GSG1L: variants seen among roughly 807,000 people sequenced by gnomAD.
GSG1L encodes GSG1 like.
A neutral mutation model predicts 42.1 loss-of-function variants in GSG1L; 24 were observed. The ratio of observed to expected loss-of-function variants is 0.57; its 90% CI spans 0.41 to 0.80. The LOEUF is 0.80. GSG1L is among the 30% of genes least tolerant of loss of function. GSG1L has a pLI of 0.00. For missense variants in GSG1L, 445 were observed against 472.2 expected (o/e 0.94, Z 0.53); for synonymous variants, 215 against 203.5 (o/e 1.06, Z -0.48).
chr16:27,897,545 C>T (rs972541238), intron 2 of GSG1L, among the ~76,000 whole-genome samples: 6 of 152,176 alleles, frequency 3.9e-5, no homozygotes, highest in Non-Finnish European at 7.3e-5. Context: ...AGTAATCCTC[C>T]TCTGTTGACC....
At chr16:27,885,073 A>G (rs1382314734) in intron 2 of GSG1L, among the ~76,000 whole-genome samples, 1 of 152,144 alleles carries the variant, frequency 6.6e-6, no homozygotes, top group Non-Finnish European at 1.5e-5. Context: ...AAACTGCTGT[A>G]TTGTTAGGCC....
chr16:27,909,381 CTTTT>C (rs34041209), intron 2 of GSG1L, among the ~76,000 whole-genome samples: 4 of 117,796 alleles, frequency 3.4e-5, no homozygotes, highest in Non-Finnish European at 3.5e-5. Flanking sequence ...TCTTCTTTTT[CTTTT>C]TTTTTTTTTT....
intron 3 of GSG1L, among the ~76,000 whole-genome samples, chr16:27,869,587 CCTT>C (rs771628135): frequency 1.2e-4 from 17 of 144,004 alleles, no homozygotes; most frequent in Non-Finnish European, 2.1e-4. Context: ...CACTCCCTCT[CCTT>C]CTCTCTGTCT....
intron 6 of GSG1L, among the ~76,000 whole-genome samples, chr16:27,797,289 G>A (rs1189409580): frequency 6.6e-6 from 1 of 152,136 alleles, no homozygotes; most frequent in Non-Finnish European, 1.5e-5. Flanking sequence ...TTGGGAGGCT[G>A]AGGCAGGTGG....
At chr16:27,898,583 CTGTT>C (rs928262156) in intron 2 of GSG1L, among the ~76,000 whole-genome samples, 1 of 151,978 alleles carries the variant, frequency 6.6e-6, no homozygotes, top group Non-Finnish European at 1.5e-5. Context: ...TCTCCTCTCT[CTGTT>C]TCTCTCTCCA....
At position 27,926,618 on chromosome 16, in the gene GSG1L, G is replaced by A. The variant is rs181913264; in HGVS notation, c.397+36538C>T. 4.3e-3 allele frequency among the ~76,000 whole-genome samples: 653 copies of A among 152,294 alleles called. 3 individuals carry two copies. Among genetic ancestry groups the A allele is most frequent in the Non-Finnish European group, 4.0e-3 (273 of 68,016 alleles). ...GCAGGAAAATTGCTTGAATCCAGGA[G>A]GCAAAGGTTGCAGTGAGCTGAGATC... On this transcript the variant is annotated intron_variant, in intron 2 of 6. Transcript: ENST00000447459.
rs1393478962 is a variant in GSG1L, at chr16:27,861,212, T to A, written c.551-16151A>T. 4.6e-5 allele frequency among the ~76,000 whole-genome samples: 7 copies of A among 151,634 alleles called. No individual in the cohort carries two copies. In the South Asian group the frequency reaches 6.3e-4, roughly 14 times the overall value. ...GTGAAACCCCGTCTCTATTAAAAAA[T>A]ATATATATACAAAAATTAGCCAGGC... On this transcript the variant is annotated intron_variant, in intron 3 of 6. Transcript: ENST00000447459.
intron 5 of GSG1L, 94 bp from the exon 6 acceptor site, chr16:27,807,648 C>G (rs1467671662): frequency 2.5e-5 from 25 of 1,015,748 alleles, no homozygotes; most frequent in Non-Finnish European, 3.5e-5. Flanking sequence ...CAATCTTCCC[C>G]CCTCTGGAGA....
chr16:28,003,087 G>C (rs2085597616), intron 1 of GSG1L, among the ~76,000 whole-genome samples: 1 of 152,226 alleles, frequency 6.6e-6, no homozygotes, highest in South Asian at 2.1e-4. Flanking sequence ...CGAGTCCTGG[G>C]ACAATGGGAG....
At chr16:28,053,813 CTGTT>C (rs1486447725) in intron 1 of GSG1L, among the ~76,000 whole-genome samples, 1 of 152,222 alleles carries the variant, frequency 6.6e-6, no homozygotes, top group African/African-American at 2.4e-5. Context: ...CCATCTCTGT[CTGTT>C]TCTGTCTCAT....
At chr16:28,056,143 A>T (rs1487434385) in intron 1 of GSG1L, among the ~76,000 whole-genome samples, 1 of 152,268 alleles carries the variant, frequency 6.6e-6, no homozygotes, top group East Asian at 1.9e-4. Context: ...CTGAAAACTT[A>T]GTCCCTGCTG....
At chr16:28,032,079 A>C (rs1471945974) in intron 1 of GSG1L, among the ~76,000 whole-genome samples, 1 of 152,246 alleles carries the variant, frequency 6.6e-6, no homozygotes, top group Non-Finnish European at 1.5e-5. Context: ...GGTATTCAGG[A>C]GACACGGAAG....
At chr16:27,922,556 C>T in intron 2 of GSG1L, among the ~76,000 whole-genome samples, 1 of 152,164 alleles carries the variant, frequency 6.6e-6, no homozygotes, top group Non-Finnish European at 1.5e-5. Context: ...CCCTGTGCCC[C>T]CTCCTCATCT....
intron 1 of GSG1L, among the ~76,000 whole-genome samples, chr16:28,058,307 C>G (rs1268931541): frequency 6.6e-6 from 1 of 152,172 alleles, no homozygotes; most frequent in African/African-American, 2.4e-5. Context: ...GCACCCACCT[C>G]GTAGGGCTAT....
At chr16:28,018,378 T>C (rs2085803810) in intron 1 of GSG1L, among the ~76,000 whole-genome samples, 2 of 152,154 alleles carry the variant, frequency 1.3e-5, no homozygotes, top group Admixed American at 6.5e-5. Context: ...CTGCGGTAGC[T>C]CCAGACATCA....
chr16:27,949,144 G>T (rs13339068), intron 2 of GSG1L, among the ~76,000 whole-genome samples: 122,484 of 151,328 alleles, frequency 0.81, 50,102 homozygotes, highest in African/African-American at 0.89. Context: ...CTCTAACTCC[G>T]GGGCTCAAGC....
At chr16:27,886,644 C>T (rs576835030) in intron 2 of GSG1L, among the ~76,000 whole-genome samples, 1 of 152,232 alleles carries the variant, frequency 6.6e-6, no homozygotes, top group South Asian at 2.1e-4. Context: ...GGGCTCTTGA[C>T]GAGGTCAAGG....
At chr16:28,042,463 G>A (rs1420864841) in intron 1 of GSG1L, among the ~76,000 whole-genome samples, 3 of 149,670 alleles carry the variant, frequency 2.0e-5, no homozygotes, top group African/African-American at 7.4e-5. Flanking sequence ...GTCATAAAAT[G>A]TAAGTAAATC....
intron 1 of GSG1L, among the ~76,000 whole-genome samples, chr16:28,021,890 G>C (rs562313529): frequency 6.6e-6 from 1 of 152,250 alleles, no homozygotes; most frequent in African/African-American, 2.4e-5. Flanking sequence ...CATGGGCCTC[G>C]ACACGGGGCT....
Sources: gnomAD v4.1 joint callset for allele counts (sites outside exome capture counted in the v4.1 genomes callset) on GRCh38, gnomAD v4.1.1 for gene constraint, MANE v1.5 for transcripts, NCBI Gene and HGNC (gene_info 2026-07-23, HGNC 2026-07-21) for gene names.